PIP5K1B: variants seen among roughly 807,000 people sequenced by gnomAD.
PIP5K1B encodes phosphatidylinositol-4-phosphate 5-kinase type 1 beta.
In PIP5K1B, 42 loss-of-function variants were observed where a neutral mutation model predicts 67.0. That is an observed-to-expected ratio of 0.63 (90% CI 0.49 to 0.81). PIP5K1B has a LOEUF of 0.81. PIP5K1B is among the 30% of genes least tolerant of loss of function. The pLI, the probability that PIP5K1B is intolerant of heterozygous loss-of-function variation, is 0.00. For synonymous variants in PIP5K1B, 214 were observed against 231.4 expected, an observed-to-expected ratio of 0.92 and a Z score of 0.68; for missense variants, 459 against 646.3, an observed-to-expected ratio of 0.71 and a Z score of 3.14.
intron 8 of PIP5K1B, among the ~76,000 whole-genome samples, chr9:68,905,348 C>T (rs1825557475): frequency 6.6e-6 from 1 of 152,148 alleles, no homozygotes; most frequent in Admixed American, 6.5e-5. Flanking sequence ...AGGTTGGCTG[C>T]TGTGGATCTG....
rs185134859 is a variant in PIP5K1B, at chr9:68,981,415, G to A, written c.1503-9725G>A. 7.7e-3 allele frequency among the ~76,000 whole-genome samples: 1,029 copies of A among 133,730 alleles called. 10 individuals carry two copies. The highest frequency in any genetic ancestry group is 0.027 in the African/African-American group (990 of 36,652). The allele number at this position is 133,730 out of a possible 152,430, so 87.7% of individuals were successfully genotyped here. ...TTCATCAAAAGACATGAAGGGAATC[G>A]CCAGAAAATATTAAAAGAGAAATCC... On this transcript the variant is annotated intron_variant, in intron 14 of 15. Coordinates refer to ENST00000265382, the MANE Select transcript of PIP5K1B (RefSeq NM_003558.4).
chr9:68,984,561 T>C (rs1830021095), intron 14 of PIP5K1B, among the ~76,000 whole-genome samples: 1 of 152,282 alleles, frequency 6.6e-6, no homozygotes, highest in African/African-American at 2.4e-5. Context: ...TTTAGGGCTG[T>C]ATATTCTCCC....
intron 2 of PIP5K1B, among the ~76,000 whole-genome samples, chr9:68,744,598 T>C (rs1259218745): frequency 6.6e-6 from 1 of 152,214 alleles, no homozygotes; most frequent in Non-Finnish European, 1.5e-5. Context: ...TTCTCTTGCT[T>C]ACTCAGTAGC....
intron 8 of PIP5K1B, among the ~76,000 whole-genome samples, chr9:68,906,532 T>G (rs1445179435): frequency 6.6e-6 from 1 of 152,212 alleles, no homozygotes; most frequent in African/African-American, 2.4e-5. Context: ...TTTCTACATG[T>G]ATACATCAGA....
chr9:68,841,371 C>G (rs12341625), intron 4 of PIP5K1B, among the ~76,000 whole-genome samples: 9,675 of 152,226 alleles, frequency 0.064, 628 homozygotes, highest in African/African-American at 0.16. Flanking sequence ...CCCACAGAAC[C>G]ATTTGCTATA....
At chr9:68,963,665 A>C (rs1043620203) in intron 14 of PIP5K1B, among the ~76,000 whole-genome samples, 1 of 152,332 alleles carries the variant, frequency 6.6e-6, no homozygotes, top group Non-Finnish European at 1.5e-5. Flanking sequence ...TTCAGCTGTT[A>C]CGGTGACTAA....
intron 2 of PIP5K1B, among the ~76,000 whole-genome samples, chr9:68,787,695 C>T (rs2132483828): frequency 6.6e-6 from 1 of 152,046 alleles, no homozygotes; most frequent in East Asian, 1.9e-4. Flanking sequence ...TGCAGGGGTG[C>T]AATCTTGGCT....
At chr9:68,848,668 C>A (rs1370480826) in intron 4 of PIP5K1B, among the ~76,000 whole-genome samples, 2 of 152,026 alleles carry the variant, frequency 1.3e-5, no homozygotes, top group Non-Finnish European at 2.9e-5. Flanking sequence ...TAAAGAATAG[C>A]TATAGTTTCT....
chr9:68,924,401 C>CAAAA (rs71353093), intron 12 of PIP5K1B, among the ~76,000 whole-genome samples: 2 of 86,770 alleles, frequency 2.3e-5, no homozygotes, highest in African/African-American at 9.4e-5. Context: ...CACTGCGCCT[C>CAAAA]AAAAAAAAAA....
intron 7 of PIP5K1B, 139 bp downstream of exon 7, chr9:68,889,272 A>G (rs1824646031): frequency 3.1e-6 from 2 of 645,494 alleles, no homozygotes; most frequent in South Asian, 4.0e-5. Context: ...AAATTATGCT[A>G]TGACATTCAT....
rs1827083937 is a variant in PIP5K1B, at chr9:68,705,604, G to GCCCGCCGCCCCCTCCGCCCT, written c.-394_-375dup. ...CAGCGTTGCCCCCGGCCCCGGCCCC[G>GCCCGCCGCCCCCTCCGCCCT]CCCGCCGCCCCCTCCGCCCTCCCGC... On this transcript the variant is annotated 5_prime_UTR_variant, in exon 1 of 16. Transcript: ENST00000265382. 1 of 12,588 alleles carries GCCCGCCGCCCCCTCCGCCCT rather than the reference G, an allele frequency of 7.9e-5. No individual in the cohort carries two copies. The highest frequency in any genetic ancestry group is 1.9e-4 in the Non-Finnish European group (1 of 5,272). 0.8% of individuals were successfully genotyped at this position (12,588 alleles called of 1,614,324 possible). A position where few individuals can be genotyped will look rare whatever the true frequency, so the allele number is the denominator to read the frequency against.
chr9:68,946,061 C>T (rs370640166), intron 14 of PIP5K1B, among the ~76,000 whole-genome samples: 7 of 152,184 alleles, frequency 4.6e-5, no homozygotes, highest in Non-Finnish European at 7.3e-5. Flanking sequence ...CAAATCACTA[C>T]GTAATCATCG....
At chr9:68,989,041 G>C (rs888684032) in intron 14 of PIP5K1B, among the ~76,000 whole-genome samples, 20 of 125,874 alleles carry the variant, frequency 1.6e-4, no homozygotes, top group Non-Finnish European at 2.7e-4. Context: ...ATTGCAGTGA[G>C]CGAAGACCGT....
intron 2 of PIP5K1B, among the ~76,000 whole-genome samples, chr9:68,805,984 T>C (rs1023143604): frequency 2.0e-5 from 3 of 152,204 alleles, no homozygotes; most frequent in African/African-American, 7.2e-5. Flanking sequence ...TCTCTGTGCA[T>C]CTTTCCACAG....
intron 12 of PIP5K1B, among the ~76,000 whole-genome samples, chr9:68,925,437 T>C (rs1304483707): frequency 6.6e-6 from 1 of 152,198 alleles, no homozygotes; most frequent in Non-Finnish European, 1.5e-5. Flanking sequence ...GTTATCTGAT[T>C]GTTTTATTTT....
intron 1 of PIP5K1B, among the ~76,000 whole-genome samples, chr9:68,717,696 G>T (rs995164874): frequency 6.6e-6 from 1 of 152,040 alleles, no homozygotes; most frequent in African/African-American, 2.4e-5. Context: ...ATCATCTTGG[G>T]GTTAGGATTT....
chr9:68,876,238 G>A (rs1367951609), intron 5 of PIP5K1B, among the ~76,000 whole-genome samples: 1 of 152,102 alleles, frequency 6.6e-6, no homozygotes, highest in African/African-American at 2.4e-5. Context: ...CTGTTGGTAG[G>A]ATGTTTTAAG....
At chr9:68,763,051 G>A (rs113009566) in intron 2 of PIP5K1B, among the ~76,000 whole-genome samples, 140 of 152,202 alleles carry the variant, frequency 9.2e-4, no homozygotes, top group African/African-American at 3.2e-3. Flanking sequence ...GGGTACATAC[G>A]GTAATAAGAG....
chr9:68,971,027 G>A (rs1829338333), intron 14 of PIP5K1B, among the ~76,000 whole-genome samples: 2 of 152,158 alleles, frequency 1.3e-5, no homozygotes, highest in Middle Eastern at 3.4e-3. Flanking sequence ...TATACTTTAA[G>A]TTCTGGGATA....
Sources: allele counts gnomAD v4.1 joint callset (sites outside exome capture counted in the v4.1 genomes callset), GRCh38; gene constraint gnomAD v4.1.1; transcripts MANE v1.5; gene names NCBI Gene and HGNC (gene_info 2026-07-23, HGNC 2026-07-21).